CPA6: variants seen among roughly 807,000 people sequenced by gnomAD.
The protein encoded by CPA6 is carboxypeptidase A6.
Under a neutral mutation model 63.3 loss-of-function variants are expected in CPA6, and 58 were observed. That is an observed-to-expected ratio of 0.92 (90% confidence interval 0.74 to 1.14). CPA6 has a LOEUF of 1.14. CPA6 is among the 50% of genes most tolerant of loss of function. The pLI is 0.00. For missense variants in CPA6, 565 were observed against 526.6 expected (o/e 1.07, Z -0.71); for synonymous variants, 185 against 179.0 (o/e 1.03, Z -0.27).
intron 2 of CPA6, among the ~76,000 whole-genome samples, chr8:67,612,522 C>T (rs527885378): frequency 2.6e-5 from 4 of 152,022 alleles, no homozygotes; most frequent in Admixed American, 6.6e-5. Flanking sequence ...GATTCTTAGC[C>T]CAGATCATAG....
intron 6 of CPA6, among the ~76,000 whole-genome samples, chr8:67,496,649 C>A (rs1391917240): frequency 6.6e-6 from 1 of 150,496 alleles, no homozygotes. Flanking sequence ...CAACCTCCGC[C>A]TCCCCGGTTC....
intron 1 of CPA6, among the ~76,000 whole-genome samples, chr8:67,673,550 A>ATTT (rs776373374): frequency 5.8e-5 from 8 of 138,540 alleles, no homozygotes; most frequent in African/African-American, 1.1e-4. Flanking sequence ...CTCACGGCTA[A>ATTT]TTTTTTTTTT....
At chr8:67,493,487 G>T (rs1309730962) in intron 6 of CPA6, among the ~76,000 whole-genome samples, 1 of 152,120 alleles carries the variant, frequency 6.6e-6, no homozygotes, top group Non-Finnish European at 1.5e-5. Flanking sequence ...ACCCACCATA[G>T]CCCTCACATA....
At chr8:67,728,138 A>AAC (rs1817635773) in intron 1 of CPA6, among the ~76,000 whole-genome samples, 1 of 15,820 alleles carries the variant, frequency 6.3e-5, no homozygotes, top group Non-Finnish European at 1.7e-4. Context: ...AAAAACAAAC[A>AAC]AAACAAAACA....
rs369834925 is a variant in CPA6, at chr8:67,422,552, C to A, written c.1266G>T (p.Met422Ile). The change falls in exon 11 of 11, where the codon ATG (methionine) becomes ATT (isoleucine). Residue 422 changes from methionine (M) to isoleucine (I), a missense_variant. Met to Ile is a conservative substitution (Grantham distance 10). Transcript: ENST00000297770. ...MLIKPTCTETMLAVKNITMHL... is the reference protein window; with the variant it reads ...MLIKPTCTETILAVKNITMHL... ...GCATTGTGATATTTTTCACAGCCAGCATAGTTTCTGTACAGGTGGGTTTGA... is the reference window on the plus strand; with the variant it reads ...GCATTGTGATATTTTTCACAGCCAGAATAGTTTCTGTACAGGTGGGTTTGA... 1.9e-6 allele frequency: 3 copies of A among 1,614,096 alleles called. No homozygotes were observed. The African/African-American group carries it at 4.0e-5, about 22-fold the overall frequency.
chr8:67,555,083 G>T (rs1813030134), intron 2 of CPA6, among the ~76,000 whole-genome samples: 1 of 152,172 alleles, frequency 6.6e-6, no homozygotes, highest in African/African-American at 2.4e-5. Flanking sequence ...TGGTCAAGTT[G>T]ACAACCCCAA....
At chr8:67,718,831 G>A (rs1817435145) in intron 1 of CPA6, among the ~76,000 whole-genome samples, 1 of 152,130 alleles carries the variant, frequency 6.6e-6, no homozygotes, top group Middle Eastern at 3.4e-3. Context: ...ATTTTTAGTA[G>A]AGACGGGGTT....
At chr8:67,429,126 C>T (rs974054521) in intron 9 of CPA6, among the ~76,000 whole-genome samples, 2 of 152,136 alleles carry the variant, frequency 1.3e-5, no homozygotes, top group Non-Finnish European at 2.9e-5. Context: ...TCTCAGGTTA[C>T]ATATGCCTCC....
At chr8:67,659,858 C>T (rs1002659447) in intron 1 of CPA6, among the ~76,000 whole-genome samples, 5 of 152,134 alleles carry the variant, frequency 3.3e-5, no homozygotes, top group African/African-American at 4.8e-5. Context: ...TTTTATAAAA[C>T]GTTGCCTATT....
At position 67,488,865 on chromosome 8, in the gene CPA6, G is replaced by A. The variant is rs577361223; in HGVS notation, c.637-4076C>T. Among the ~76,000 whole-genome samples the A allele has an allele frequency of 2.1e-4, 32 of 152,156 alleles. 1 individual carries two copies. In the South Asian group the frequency reaches 6.0e-3, roughly 29 times the overall value. On this transcript the variant is annotated intron_variant, in intron 6 of 10. Transcript: ENST00000297770. ...TTTGGCTCTCTGTTTGTCTGTTATTGGTGTAAGAATGCTTGTGATTTTTTC... is the reference window on the plus strand; with the variant it reads ...TTTGGCTCTCTGTTTGTCTGTTATTAGTGTAAGAATGCTTGTGATTTTTTC...
In CPA6 at chr8:67,551,492, T is replaced by G. The variant is rs920732418; in HGVS notation, c.193-33445A>C. ...TTTGTTCTTTTTGCTTCAGATTGCTTAGGTTATTCAGGCTCTTTTATGGTT... is the reference window on the plus strand; with the variant it reads ...TTTGTTCTTTTTGCTTCAGATTGCTGAGGTTATTCAGGCTCTTTTATGGTT... On this transcript the variant is annotated intron_variant, in intron 2 of 10. Coordinates refer to ENST00000297770, the MANE Select transcript of CPA6 (RefSeq NM_020361.5). Among the ~76,000 whole-genome samples the G allele has an allele frequency of 1.8e-4, 28 of 152,180 alleles. 1 individual carries two copies. The highest frequency in any genetic ancestry group is 4.4e-5 in the Non-Finnish European group (3 of 68,032).
chr8:67,433,999 C>A (rs755317501), intron 9 of CPA6, 39 bp downstream of exon 9: 1 of 1,433,768 alleles, frequency 7.0e-7, no homozygotes, highest in Non-Finnish European at 9.8e-7. Flanking sequence ...AGAAAAGCAG[C>A]ATGAAGCCTG....
chr8:67,675,377 G>A (rs977513834), intron 1 of CPA6, among the ~76,000 whole-genome samples: 4 of 152,088 alleles, frequency 2.6e-5, no homozygotes, highest in Non-Finnish European at 5.9e-5. Flanking sequence ...AGATGTGCTG[G>A]TGGATCTGCA....
chr8:67,591,100 A>G (rs1814109573), intron 2 of CPA6, among the ~76,000 whole-genome samples: 1 of 151,754 alleles, frequency 6.6e-6, no homozygotes, highest in African/African-American at 2.4e-5. Flanking sequence ...AGCTTTCTAC[A>G]TATGGCTAGC....
At chr8:67,506,676 G>C in intron 6 of CPA6, 111 bp downstream of exon 6, 1 of 708,932 alleles carries the variant, frequency 1.4e-6, no homozygotes, top group Non-Finnish European at 2.6e-6. Context: ...AGGTGTTACT[G>C]TTATTCAATC....
intron 1 of CPA6, among the ~76,000 whole-genome samples, chr8:67,681,228 A>T (rs1371289609): frequency 2.2e-5 from 1 of 44,686 alleles, no homozygotes; most frequent in Non-Finnish European, 3.5e-5. Flanking sequence ...TTTGAGACGG[A>T]GTCTCGCTCT....
chr8:67,638,206 C>T lies in CPA6; in HGVS notation c.117-13955G>A, dbSNP rs1205427894. Among the ~76,000 whole-genome samples, 4 of 151,106 alleles carry T rather than the reference C, an allele frequency of 2.6e-5. 1 individual carries two copies. Among genetic ancestry groups the T allele is most frequent in the African/African-American group, 9.9e-5 (4 of 40,560 alleles). On this transcript the variant is annotated intron_variant, in intron 1 of 10. Coordinates refer to ENST00000297770, the MANE Select transcript of CPA6 (RefSeq NM_020361.5). ...AGGTGGGAATTCAGACCACAGACTC[C>T]CATGTAAAGCCTTAAAGATAAAACC...
chr8:67,468,626 T>TAAAATAA (rs1554665972), intron 8 of CPA6, among the ~76,000 whole-genome samples: 5 of 143,256 alleles, frequency 3.5e-5, no homozygotes, highest in Non-Finnish European at 6.1e-5. Context: ...TAAAATAAAA[T>TAAAATAA]AATAATAATA....
intron 2 of CPA6, among the ~76,000 whole-genome samples, chr8:67,585,175 G>C (rs1227681180): frequency 6.6e-6 from 1 of 152,028 alleles, no homozygotes; most frequent in Non-Finnish European, 1.5e-5. Flanking sequence ...GAAGCTTAGA[G>C]TTTGAGGGTC....
Sources: allele counts gnomAD v4.1 joint callset (sites outside exome capture counted in the v4.1 genomes callset), GRCh38; gene constraint gnomAD v4.1.1; transcripts MANE v1.5; gene names NCBI Gene and HGNC (gene_info 2026-07-23, HGNC 2026-07-21).